Variants in IKBKB observed in about 807,000 individuals in gnomAD.
IKBKB encodes the protein inhibitor of nuclear factor kappa-B kinase subunit beta.
Under a neutral mutation model 113.6 loss-of-function variants are expected in IKBKB, and 42 were observed. That is an observed-to-expected ratio of 0.37 (90% CI 0.29 to 0.48). The LOEUF (loss-of-function observed/expected upper bound fraction) is 0.48. IKBKB is among the 20% of genes least tolerant of loss of function. The probability of loss-of-function intolerance (pLI) is 0.99; values close to 1 mark genes in which losing one functional copy is unlikely to be tolerated. For missense variants in IKBKB, 673 were observed against 939.7 expected (o/e 0.72, Z 3.71); for synonymous variants, 296 against 361.3 (o/e 0.82, Z 2.05).
At chr8:42,304,629 T>G (rs1816132009) in intron 5 of IKBKB, among the ~76,000 whole-genome samples, 1 of 152,214 alleles carries the variant, frequency 6.6e-6, no homozygotes, top group South Asian at 2.1e-4. Context: ...TGTTCTCCTC[T>G]TCTGCCTCCC....
intron 8 of IKBKB, chr8:42,309,634 A>T (rs905614403): frequency 4.9e-6 from 1 of 202,154 alleles, no homozygotes; most frequent in Non-Finnish European, 1.0e-5. Flanking sequence ...CTGTAATCCC[A>T]GCTACTCGGA....
chr8:42,285,394 A>T (rs1030929368), intron 2 of IKBKB, among the ~76,000 whole-genome samples: 2 of 149,550 alleles, frequency 1.3e-5, no homozygotes, highest in African/African-American at 2.5e-5. Flanking sequence ...AAAATAAAAT[A>T]AAAATAAAAA....
chr8:42,318,525 G>T lies in IKBKB; in HGVS notation c.1241-27G>T. ...AGGAGAGTTATTGTGGTTATTCTTT[G>T]ACAATTGCTTGTGTCTCTGTCTCCA... On this transcript the variant is annotated intron_variant, in intron 12 of 21. Transcript: ENST00000520810. 2.5e-6 allele frequency: 4 copies of T among 1,607,668 alleles called. No individual in the cohort carries two copies. In the South Asian group the frequency reaches 4.4e-5, roughly 18 times the overall value.
chr8:42,317,844 TG>T, intron 12 of IKBKB, 73 bp downstream of exon 12: 1 of 1,118,758 alleles, frequency 8.9e-7, no homozygotes. Context: ...GAAGGGAGAC[TG>T]GACTAAGGAA....
chr8:42,271,782 G>T lies in IKBKB; in HGVS notation c.-18-301G>T. The T allele has an allele frequency of 5.9e-6, 3 of 504,554 alleles. No homozygotes were observed. In the South Asian group the frequency reaches 7.8e-5, roughly 13 times the overall value. 31.3% of individuals were successfully genotyped at this position (504,554 alleles called of 1,614,324 possible). A position where few individuals can be genotyped will look rare whatever the true frequency, so the allele number is the denominator to read the frequency against. On this transcript the variant is annotated intron_variant, in intron 1 of 21. Coordinates refer to ENST00000520810, the MANE Select transcript of IKBKB (RefSeq NM_001556.3). ...GGGCAGAAGGCGGGCAGGCCCGGGC[G>T]CCCCTGGTGGAGTCAGCTGGGGATC...
chr8:42,319,312 G>C lies in IKBKB; in HGVS notation c.1407G>C (p.Lys469Asn). The C allele has an allele frequency of 6.2e-7, 1 of 1,614,118 alleles. No individual in the cohort carries two copies. The highest frequency in any genetic ancestry group is 8.5e-7 in the Non-Finnish European group (1 of 1,180,004). ...ACAACAGCTGCCTCTCCAAAATGAA[G>C]AATTCCATGGCTTCCATGTCTCAGC... ...LRNNSCLSKM[K>N]NSMASMSQQL... Residue 469 changes from lysine to asparagine, a missense_variant, in exon 14 of 22, where the codon AAG becomes AAC. Coordinates refer to ENST00000520810, the MANE Select transcript of IKBKB (RefSeq NM_001556.3).
Position 42,279,756 on chromosome 8 carries a change from CAG to C in IKBKB, c.105+7552_105+7553del, listed in dbSNP as rs146520028. Among the ~76,000 whole-genome samples the C allele has an allele frequency of 5.7e-3, 865 of 152,320 alleles. 1 individual carries two copies. Among genetic ancestry groups the C allele is most frequent in the Non-Finnish European group, 8.9e-3 (604 of 68,032 alleles). ...CTGTGGCTTCTCTGTGGTGAGGACT[CAG>C]GGGGAGGCCTTGGTGTTCCTTAGGC... On this transcript the variant is annotated intron_variant, in intron 2 of 21. Coordinates refer to ENST00000520810, the MANE Select transcript of IKBKB (RefSeq NM_001556.3).
At chr8:42,313,319 C>G (rs935609588) in intron 8 of IKBKB, among the ~76,000 whole-genome samples, 1 of 152,038 alleles carries the variant, frequency 6.6e-6, no homozygotes, top group East Asian at 1.9e-4. Flanking sequence ...GGTGTGGTGG[C>G]GCACACCAGT....
chr8:42,302,900 TTC>T (rs1269403324), intron 5 of IKBKB, among the ~76,000 whole-genome samples: 1 of 152,184 alleles, frequency 6.6e-6, no homozygotes, highest in Non-Finnish European at 1.5e-5. Flanking sequence ...TAAATATGTT[TTC>T]AGCAAATGTT....
chr8:42,330,219 C>G, intron 21 of IKBKB: 1 of 985,402 alleles, frequency 1.0e-6, no homozygotes, highest in Non-Finnish European at 1.2e-6. Flanking sequence ...CCCACAGTCA[C>G]AGAATCTCAA....
chr8:42,307,234 G>A (rs973924972), intron 7 of IKBKB, among the ~76,000 whole-genome samples: 8 of 152,252 alleles, frequency 5.3e-5, no homozygotes, highest in African/African-American at 1.7e-4. Flanking sequence ...CGTGCAAAGG[G>A]ATCACACACA....
chr8:42,308,958 G>T lies in IKBKB; in HGVS notation c.625G>T (p.Gly209Cys). ...YTVTVDYWSF[G>C]TLAFECITGF... Reference sequence around the variant, plus strand: ...AGTGACCGTCGACTACTGGAGCTTCGGCACCCTGGCCTTTGAGTGCATCAC... The same window carrying T: ...AGTGACCGTCGACTACTGGAGCTTCTGCACCCTGGCCTTTGAGTGCATCAC... Residue 209 changes from glycine to cysteine, a missense_variant, in exon 8 of 22, where the codon GGC becomes TGC. Physicochemically the swap from Gly to Cys is radical, Grantham distance 159. This residue lies in a region of IKBKB where 167 missense variants were observed against 301.0 expected (regional missense o/e 0.55). Transcript: ENST00000520810. 6.2e-7 allele frequency: 1 copy of T among 1,614,120 alleles called. No homozygotes were observed. Among genetic ancestry groups the T allele is most frequent in the Non-Finnish European group, 8.5e-7 (1 of 1,179,998 alleles).
chr8:42,326,631 A>G (rs1820787691), intron 20 of IKBKB, among the ~76,000 whole-genome samples: 1 of 152,100 alleles, frequency 6.6e-6, no homozygotes, highest in South Asian at 2.1e-4. Flanking sequence ...ACTCTGACCA[A>G]GGTGTTCCTT....
intron 8 of IKBKB, among the ~76,000 whole-genome samples, chr8:42,310,940 C>T (rs373434941): frequency 6.6e-6 from 1 of 152,266 alleles, no homozygotes; most frequent in East Asian, 1.9e-4. Flanking sequence ...GTTGGAAGGA[C>T]GTTGATAATT....
chr8:42,319,743 C>A, intron 15 of IKBKB, 97 bp downstream of exon 15: 1 of 1,045,462 alleles, frequency 9.6e-7, no homozygotes, highest in South Asian at 1.6e-5. Flanking sequence ...CGATCTCTGT[C>A]AAAAATCAGG....
At chr8:42,328,247 CTTTTTTTTTT>C (rs59970761) in intron 20 of IKBKB, among the ~76,000 whole-genome samples, 2 of 132,538 alleles carry the variant, frequency 1.5e-5, no homozygotes, top group Admixed American at 1.5e-4. Context: ...GCACCCGGCC[CTTTTTTTTTT>C]TTTTTTTTTT....
intron 8 of IKBKB, among the ~76,000 whole-genome samples, chr8:42,310,329 G>A (rs1039501660): frequency 6.6e-6 from 1 of 152,136 alleles, no homozygotes; most frequent in African/African-American, 2.4e-5. Context: ...CAGCCTCCCA[G>A]GCCCTCATTT....
rs894870572 is a variant in IKBKB, at chr8:42,306,430, C to G, written c.565C>G (p.Leu189Val). 1 of 1,607,426 alleles carries G rather than the reference C, an allele frequency of 6.2e-7. No homozygotes were observed. The highest frequency in any genetic ancestry group is 8.5e-7 in the Non-Finnish European group (1 of 1,174,100). The change falls in exon 7 of 22, where the codon CTG (leucine) becomes GTG (valine). Residue 189 changes from leucine to valine, a missense_variant and splice_region_variant. Physicochemically the swap from Leu to Val is conservative, Grantham distance 32. Transcript: ENST00000520810. ...ATCATTCGTGGGGACCCTGCAGTAC[C>G]TGGTAAGAAGTGGGCCTTGCCTGTT... The part of the protein sequence containing the change: ...CTSFVGTLQY[L>V]APELLEQQKY...
At chr8:42,312,675 T>C (rs796231970) in intron 8 of IKBKB, among the ~76,000 whole-genome samples, 10 of 152,370 alleles carry the variant, frequency 6.6e-5, no homozygotes, top group African/African-American at 2.4e-4. Flanking sequence ...AGAGGCTTAT[T>C]CCACACTTAC....
Sources: allele counts gnomAD v4.1 joint callset (sites outside exome capture counted in the v4.1 genomes callset), GRCh38; gene constraint gnomAD v4.1.1; regional missense constraint gnomAD v4.1.1; transcripts MANE v1.5; gene names NCBI Gene and HGNC (gene_info 2026-07-23, HGNC 2026-07-21).